Variants in ZDHHC3 observed in about 807,000 individuals in gnomAD.
ZDHHC3 encodes zDHHC palmitoyltransferase 3.
Under a neutral mutation model 30.6 loss-of-function variants are expected in ZDHHC3, and 9 were observed. The ratio of observed to expected loss-of-function variants is 0.29; its 90% confidence interval spans 0.18 to 0.51. The LOEUF (loss-of-function observed/expected upper bound fraction) is 0.51, where lower values mean the gene tolerates loss of function less well. ZDHHC3 is among the 20% of genes least tolerant of loss of function. ZDHHC3 has a pLI of 0.97. For synonymous variants in ZDHHC3, 136 were observed against 140.2 expected (o/e 0.97, Z 0.21); for missense variants, 246 against 384.2 (o/e 0.64, Z 3.01).
At chr3:44,945,400 C>G (rs1456981411) in intron 2 of ZDHHC3, 108 bp from the exon 3 acceptor site, 4 of 1,460,884 alleles carry the variant, frequency 2.7e-6, no homozygotes, top group Non-Finnish European at 3.8e-6. Context: ...CACACATGGA[C>G]AGGACACTTT....
rs1235347880 is a variant in ZDHHC3 at position 44,959,562 on chromosome 3, C to A, written c.-24-102G>T. The A allele has an allele frequency of 8.4e-6, 8 of 947,334 alleles. No homozygotes were observed. Among genetic ancestry groups the A allele is most frequent in the Non-Finnish European group, 1.3e-5 (8 of 636,626 alleles). The allele number at this position is 947,334 out of a possible 1,614,324, so 58.7% of individuals were successfully genotyped here. ...GTGAGTTGTGATTACTTATCTGCAA[C>A]CCCTGTGTGCAAAGCCACCTAATCA... On this transcript the variant is annotated intron_variant, in intron 1 of 6. Transcript: ENST00000424952. The surrounding 1 kb of genome is among the most constrained non-coding windows in gnomAD (Gnocchi z 4.3).
chr3:44,948,916 G>A (rs1257831519), intron 2 of ZDHHC3, among the ~76,000 whole-genome samples: 1 of 152,230 alleles, frequency 6.6e-6, no homozygotes, highest in African/African-American at 2.4e-5. Flanking sequence ...CTTCCCCACT[G>A]AGGATGAGGA....
rs542729453 is a variant in ZDHHC3, at chr3:44,919,400, C to T, written c.*7289G>A. 6.5e-6 allele frequency: 1 copy of T among 152,796 alleles called. No homozygotes were observed. The highest frequency in any genetic ancestry group is 6.5e-5 in the Admixed American group (1 of 15,302). The allele number at this position is 152,796 out of a possible 1,614,324, so 9.5% of individuals were successfully genotyped here. A position where few individuals can be genotyped will look rare whatever the true frequency, so the allele number is the denominator to read the frequency against. Reference sequence around the variant, plus strand: ...GACAGCCTACAGAATACCTGCCCTACAATCTTCAAAAGGGTCAAAGATTGA... The same window carrying T: ...GACAGCCTACAGAATACCTGCCCTATAATCTTCAAAAGGGTCAAAGATTGA... On this transcript the variant is annotated 3_prime_UTR_variant, in exon 7 of 7. Transcript: ENST00000424952.
In ZDHHC3 at chr3:44,935,725, G is replaced by A. The variant is rs952033986; in HGVS notation, c.432-1741C>T. Among the ~76,000 whole-genome samples the A allele has an allele frequency of 4.6e-5, 7 of 152,056 alleles. No homozygotes were observed. In the South Asian group the frequency reaches 1.0e-3, roughly 23 times the overall value. Reference sequence around the variant, plus strand: ...CTGTCAAACAGCTTTGTATCAGCCCGCTCCTTTTTCCCTTTAAAAACCTGC... The same window carrying A: ...CTGTCAAACAGCTTTGTATCAGCCCACTCCTTTTTCCCTTTAAAAACCTGC... On this transcript the variant is annotated intron_variant, in intron 3 of 6. Coordinates refer to ENST00000424952, the MANE Select transcript of ZDHHC3 (RefSeq NM_001135179.2).
At chr3:44,931,413 T>C (rs1234207727) in intron 5 of ZDHHC3, among the ~76,000 whole-genome samples, 1 of 152,094 alleles carries the variant, frequency 6.6e-6, no homozygotes, top group African/African-American at 2.4e-5. Flanking sequence ...CCAATGGAGT[T>C]TGGGGAGGTA....
chr3:44,930,186 G>A (rs1701375222), intron 5 of ZDHHC3, among the ~76,000 whole-genome samples: 2 of 152,250 alleles, frequency 1.3e-5, no homozygotes, highest in African/African-American at 4.8e-5. Context: ...ACTGCACTGT[G>A]AAGCAGTGAG....
chr3:44,944,471 T>TA (rs1199609249), intron 3 of ZDHHC3, among the ~76,000 whole-genome samples: 1 of 151,490 alleles, frequency 6.6e-6, no homozygotes, highest in Non-Finnish European at 1.5e-5. Context: ...TTTGTAGAGA[T>TA]AGAGTCTCGC....
rs544230338 is a variant in ZDHHC3 at position 44,926,312 on chromosome 3, C to A, written c.*377G>T. The A allele has an allele frequency of 5.0e-6, 5 of 992,602 alleles. No homozygotes were observed. The African/African-American group carries it at 8.7e-5, about 17-fold the overall frequency. The allele number at this position is 992,602 out of a possible 1,614,324, so 61.5% of individuals were successfully genotyped here. A position where few individuals can be genotyped will look rare whatever the true frequency, so the allele number is the denominator to read the frequency against. ...TCCTGGCTTTCCCATGCATCCCCCA[C>A]CAGGTGTCCAGACTATTCCATCCAC... On this transcript the variant is annotated 3_prime_UTR_variant, in exon 7 of 7. Coordinates refer to ENST00000424952, the MANE Select transcript of ZDHHC3 (RefSeq NM_001135179.2).
chr3:44,967,109 A>G (rs1485273991), intron 1 of ZDHHC3, among the ~76,000 whole-genome samples: 2 of 152,212 alleles, frequency 1.3e-5, no homozygotes, highest in African/African-American at 4.8e-5. Context: ...AAAAAAAGTA[A>G]AATATTGTAC....
intron 2 of ZDHHC3, among the ~76,000 whole-genome samples, chr3:44,945,661 G>A (rs1437204416): frequency 3.3e-5 from 5 of 151,944 alleles, no homozygotes; most frequent in African/African-American, 7.3e-5. Context: ...GGGTTCAAGC[G>A]ATTTTCCTGC....
chr3:44,934,893 CAAAAAAAAAA>C (rs886501187), intron 3 of ZDHHC3, among the ~76,000 whole-genome samples: 1 of 60,068 alleles, frequency 1.7e-5, no homozygotes, highest in Non-Finnish European at 3.3e-5. Flanking sequence ...ACTCTGTCTC[CAAAAAAAAAA>C]AAAAAAAAAA....
At position 44,921,548 on chromosome 3, in the gene ZDHHC3, T is replaced by C; in HGVS notation, c.*5141A>G. ...ACATTTTTCTTGAAAAACATGCTGG[T>C]TGCAAACCATGAATGGCTGTGACCA... On this transcript the variant is annotated 3_prime_UTR_variant, in exon 7 of 7. Coordinates refer to ENST00000424952, the MANE Select transcript of ZDHHC3 (RefSeq NM_001135179.2). 8 of 985,398 alleles carry C rather than the reference T, an allele frequency of 8.1e-6. No individual in the cohort carries two copies. The highest frequency in any genetic ancestry group is 9.6e-6 in the Non-Finnish European group (8 of 829,932). 61.0% of individuals were successfully genotyped at this position (985,398 alleles called of 1,614,324 possible). A position where few individuals can be genotyped will look rare whatever the true frequency, so the allele number is the denominator to read the frequency against.
In ZDHHC3 at chr3:44,919,919, A is replaced by C; in HGVS notation, c.*6770T>G. On this transcript the variant is annotated 3_prime_UTR_variant, in exon 7 of 7. Transcript: ENST00000424952. ...TGAACACTGAATTATAATAATGCAA[A>C]GCTGGAAATGAGAAATGCCCAATAA... 11 of 1,044,240 alleles carry C rather than the reference A, an allele frequency of 1.1e-5. No homozygotes were observed. The highest frequency in any genetic ancestry group is 1.3e-5 in the Non-Finnish European group (11 of 861,854). The allele number at this position is 1,044,240 out of a possible 1,614,324, so 64.7% of individuals were successfully genotyped here. A position where few individuals can be genotyped will look rare whatever the true frequency, so the allele number is the denominator to read the frequency against.
chr3:44,940,261 A>C (rs1049674875), intron 3 of ZDHHC3, among the ~76,000 whole-genome samples: 1 of 152,182 alleles, frequency 6.6e-6, no homozygotes, highest in East Asian at 1.9e-4. Context: ...GGGGCTCAGC[A>C]GTGTTCCCTC....
At chr3:44,950,062 T>C (rs1202350991) in intron 2 of ZDHHC3, among the ~76,000 whole-genome samples, 1 of 152,186 alleles carries the variant, frequency 6.6e-6, no homozygotes, top group Non-Finnish European at 1.5e-5. Flanking sequence ...CTTGAACTCC[T>C]GGACTCAAGC....
In ZDHHC3 at chr3:44,923,457, C is replaced by T. The variant is rs553906100; in HGVS notation, c.*3232G>A. 53 of 985,262 alleles carry T rather than the reference C, an allele frequency of 5.4e-5. No individual in the cohort carries two copies. The African/African-American group carries it at 8.9e-4, about 17-fold the overall frequency. 61.0% of individuals were successfully genotyped at this position (985,262 alleles called of 1,614,324 possible). A position where few individuals can be genotyped will look rare whatever the true frequency, so the allele number is the denominator to read the frequency against. ...TGCATTAGGGGACGGTGGATTCTAA[C>T]TATTTAAGTGGCCTAGCCAGATGAG... On this transcript the variant is annotated 3_prime_UTR_variant, in exon 7 of 7. Coordinates refer to ENST00000424952, the MANE Select transcript of ZDHHC3 (RefSeq NM_001135179.2).
In ZDHHC3 at chr3:44,945,433, T is replaced by C. The variant is rs1702832359; in HGVS notation, c.307-141A>G. On this transcript the variant is annotated intron_variant, in intron 2 of 6. Transcript: ENST00000424952. The stretch of plus-strand genomic sequence containing the variant: ...TTTGATACCAACAACATGTGGACTC[T>C]GTGTTCAGAATTATGCCAACATTAA... 4.0e-6 allele frequency: 5 copies of C among 1,250,702 alleles called. No homozygotes were observed. The South Asian group carries it at 7.4e-5, about 18-fold the overall frequency. 77.5% of individuals were successfully genotyped at this position (1,250,702 alleles called of 1,614,324 possible).
intron 2 of ZDHHC3, among the ~76,000 whole-genome samples, chr3:44,950,383 G>A (rs1703339151): frequency 2.0e-5 from 3 of 152,154 alleles, no homozygotes; most frequent in South Asian, 2.1e-4. Flanking sequence ...AGCCCCAGGG[G>A]ACCCTGTATA....
chr3:44,966,085 G>T (rs1349085350), intron 1 of ZDHHC3, among the ~76,000 whole-genome samples: 1 of 152,160 alleles, frequency 6.6e-6, no homozygotes, highest in Non-Finnish European at 1.5e-5. Context: ...CAGGTGCAAT[G>T]ATCTCCCCTT....
Sources: allele counts gnomAD v4.1 joint callset (sites outside exome capture counted in the v4.1 genomes callset), GRCh38; gene constraint gnomAD v4.1.1; non-coding constraint Gnocchi (gnomAD v3.1); transcripts MANE v1.5; gene names NCBI Gene and HGNC (gene_info 2026-07-23, HGNC 2026-07-21).